Variants in MCF2L2 observed in about 807,000 individuals in gnomAD.
The protein encoded by MCF2L2 is MCF.2 cell line derived transforming sequence-like 2, also known as probable guanine nucleotide exchange factor MCF2L2.
A neutral mutation model predicts 150.2 loss-of-function variants in MCF2L2; 102 were observed. The observed-to-expected ratio is 0.68, with a 90% CI of 0.58 to 0.80. MCF2L2 has a LOEUF of 0.80. MCF2L2 is among the 30% of genes least tolerant of loss of function. The pLI is 0.00. For synonymous variants in MCF2L2, 465 were observed against 491.3 expected (o/e 0.95, Z 0.71); for missense variants, 1,256 against 1,372.8 (o/e 0.91, Z 1.34).
chr3:183,423,119 C>T (rs1307888409), intron 1 of MCF2L2, among the ~76,000 whole-genome samples: 1 of 152,026 alleles, frequency 6.6e-6, no homozygotes, highest in Non-Finnish European at 1.5e-5. Flanking sequence ...GAAAAATAGC[C>T]CAAATATAGT....
chr3:183,241,717 C>G (rs1199720581), intron 15 of MCF2L2, among the ~76,000 whole-genome samples: 1 of 152,120 alleles, frequency 6.6e-6, no homozygotes, highest in Non-Finnish European at 1.5e-5. Flanking sequence ...TAAATTGGTA[C>G]TGGTAGAGTG....
chr3:183,361,111 A>AC, intron 3 of MCF2L2, among the ~76,000 whole-genome samples: 9 of 149,368 alleles, frequency 6.0e-5, no homozygotes, highest in African/African-American at 1.8e-4. Flanking sequence ...ACAAGAAAAG[A>AC]AAAAAGAAAA....
intron 3 of MCF2L2, among the ~76,000 whole-genome samples, chr3:183,351,254 C>T (rs1227259560): frequency 3.3e-5 from 3 of 91,010 alleles, no homozygotes; most frequent in Non-Finnish European, 4.1e-5. Context: ...ATTTATTTAT[C>T]AGAACCCCAG....
chr3:183,382,384 G>A (rs1029856000), intron 2 of MCF2L2, among the ~76,000 whole-genome samples: 4 of 152,086 alleles, frequency 2.6e-5, no homozygotes, highest in Non-Finnish European at 4.4e-5. Flanking sequence ...ATAGTTGACT[G>A]TATTAAAGCC....
intron 2 of MCF2L2, among the ~76,000 whole-genome samples, chr3:183,386,672 C>G (rs1168179851): frequency 2.6e-5 from 4 of 152,208 alleles, no homozygotes; most frequent in Non-Finnish European, 5.9e-5. Context: ...GAAAAGGAAG[C>G]TGCTATGAGT....
At chr3:183,206,288 T>A in intron 23 of MCF2L2, 74 bp from the exon 24 acceptor site, 2 of 1,069,516 alleles carry the variant, frequency 1.9e-6, no homozygotes, top group Non-Finnish European at 2.9e-6. Context: ...TCAATCACTC[T>A]AATCCTTTCT....
intron 7 of MCF2L2, 135 bp downstream of exon 7, chr3:183,317,933 G>A (rs16857313): frequency 2.8e-6 from 3 of 1,087,462 alleles, no homozygotes; most frequent in African/African-American, 1.6e-5. Flanking sequence ...GGTTTAAGAT[G>A]ATCAGTGGCT....
At chr3:183,330,545 G>A (rs529788960) in intron 5 of MCF2L2, among the ~76,000 whole-genome samples, 57 of 152,204 alleles carry the variant, frequency 3.7e-4, no homozygotes, top group Non-Finnish European at 7.4e-4. Context: ...GAAGTTTTGC[G>A]TGGTGATGGG....
At chr3:183,415,573 A>T (rs73184987) in intron 1 of MCF2L2, among the ~76,000 whole-genome samples, 18,733 of 152,086 alleles carry the variant, frequency 0.12, 1,252 homozygotes, top group East Asian at 0.2. Flanking sequence ...GTTTGTAATT[A>T]TTATATCTTG....
At chr3:183,251,785 A>G (rs1724550226) in intron 15 of MCF2L2, among the ~76,000 whole-genome samples, 1 of 151,858 alleles carries the variant, frequency 6.6e-6, no homozygotes, top group Admixed American at 6.6e-5. Context: ...CTGCTCTAGG[A>G]AATCTTCCCT....
At chr3:183,205,248 G>A (rs960515893) in intron 25 of MCF2L2, among the ~76,000 whole-genome samples, 8 of 152,020 alleles carry the variant, frequency 5.3e-5, no homozygotes, top group Non-Finnish European at 7.4e-5. Context: ...GCGTGTTGGC[G>A]CGCCTGTAGT....
chr3:183,339,448 T>G (rs1247533433), intron 4 of MCF2L2, among the ~76,000 whole-genome samples: 1 of 152,222 alleles, frequency 6.6e-6, no homozygotes, highest in Non-Finnish European at 1.5e-5. Context: ...AATCCCTTAT[T>G]GTTAATCATT....
rs1721515929 is a variant in MCF2L2 at position 183,181,396 on chromosome 3, G to A, written c.3017-1237C>T. Among the ~76,000 whole-genome samples, 1 of 152,072 alleles carries A rather than the reference G, an allele frequency of 6.6e-6. No homozygotes were observed. The highest frequency in any genetic ancestry group is 1.5e-5 in the Non-Finnish European group (1 of 68,016). ...CCTGACTCTGGCAGGCTCCGAGGGG[G>A]CTGGACACCCTCCTCTCAGGTTGAA... On this transcript the variant is annotated intron_variant, in intron 27 of 29. Coordinates refer to ENST00000328913, the MANE Select transcript of MCF2L2 (RefSeq NM_015078.4). The surrounding 1 kb of genome is among the most constrained non-coding windows in gnomAD (Gnocchi z 4.3).
intron 15 of MCF2L2, among the ~76,000 whole-genome samples, chr3:183,269,219 C>T (rs1726461300): frequency 1.2e-5 from 1 of 85,240 alleles, no homozygotes; most frequent in Non-Finnish European, 2.0e-5. Context: ...CGATTATAGC[C>T]GTTTGGGAAG....
chr3:183,240,253 G>A (rs1723948950), intron 15 of MCF2L2, among the ~76,000 whole-genome samples: 1 of 152,222 alleles, frequency 6.6e-6, no homozygotes, highest in Non-Finnish European at 1.5e-5. Context: ...CTTTGAGATG[G>A]AGTTTCACTC....
Position 183,321,209 on chromosome 3 carries a change from G to A in MCF2L2, c.603+2026C>T, listed in dbSNP as rs184609797. ...TCCCAGCACTTTGGGAGGCCAAGGC[G>A]GGCAGACCACTTGAGGTCAGGAGTT... is the stretch of plus-strand genomic sequence containing the variant. On this transcript the variant is annotated intron_variant, in intron 6 of 29. Transcript: ENST00000328913. 4.3e-3 allele frequency among the ~76,000 whole-genome samples: 649 copies of A among 152,252 alleles called. 3 individuals are homozygous for A. The highest frequency in any genetic ancestry group is 0.015 in the African/African-American group (618 of 41,552).
rs746348490 is a variant in MCF2L2 at position 183,195,246 on chromosome 3, T to C, written c.2894A>G (p.Asn965Ser). 1.2e-5 allele frequency: 19 copies of C among 1,605,504 alleles called. No homozygotes were observed. In the South Asian group the frequency reaches 2.0e-4, roughly 17 times the overall value. Reference protein sequence around the residue: ...EQQNNIKDQGNPQFEMSTSKG... With the variant: ...EQQNNIKDQGSPQFEMSTSKG... Reference sequence around the variant, plus strand: ...CCTCGTGCTCATTTCAAACTGTGGATTTCCTTGGTCTAAAATTTTAAAAAA... The same window carrying C: ...CCTCGTGCTCATTTCAAACTGTGGACTTCCTTGGTCTAAAATTTTAAAAAA... The change falls in exon 26 of 30, where the codon AAT becomes AGT. Residue 965 changes from asparagine to serine, a missense_variant. Coordinates refer to ENST00000328913, the MANE Select transcript of MCF2L2 (RefSeq NM_015078.4).
chr3:183,282,004 C>T (rs1195765510), intron 14 of MCF2L2, among the ~76,000 whole-genome samples: 3 of 150,254 alleles, frequency 2.0e-5, no homozygotes, highest in African/African-American at 4.9e-5. Context: ...TGAGCTCAAG[C>T]GATCATCCTG....
chr3:183,250,777 T>A (rs775251493), intron 15 of MCF2L2, among the ~76,000 whole-genome samples: 3 of 152,018 alleles, frequency 2.0e-5, no homozygotes, highest in Non-Finnish European at 4.4e-5. Context: ...TGATGCTGTA[T>A]CAACAGATGT....
Sources: gnomAD v4.1 joint callset for allele counts (sites outside exome capture counted in the v4.1 genomes callset) on GRCh38, gnomAD v4.1.1 for gene constraint, Gnocchi (gnomAD v3.1) non-coding constraint, MANE v1.5 for transcripts, NCBI Gene and HGNC (gene_info 2026-07-23, HGNC 2026-07-21) for gene names.